The following STAG1 variants were observed in gnomAD, a reference collection of about 807,000 sequenced individuals.
STAG1 encodes the protein cohesin subunit SA-1.
A neutral mutation model predicts 170.9 loss-of-function variants in STAG1; 26 were observed. That is an observed-to-expected ratio of 0.15 (90% CI 0.11 to 0.21). The LOEUF is 0.21. Ranked by LOEUF, STAG1 falls within the 10% of genes least tolerant of loss-of-function variation. The probability of loss-of-function intolerance (pLI) is 1.00; values close to 1 mark genes in which losing one functional copy is unlikely to be tolerated. For synonymous variants in STAG1, 514 were observed against 497.7 expected (o/e 1.03, Z -0.44); for missense variants, 964 against 1,509.5 (o/e 0.64, Z 5.99).
intron 25 of STAG1, among the ~76,000 whole-genome samples, chr3:136,364,369 C>A (rs1217776385): frequency 3.3e-5 from 5 of 152,214 alleles, no homozygotes; most frequent in Non-Finnish European, 5.9e-5. Context: ...AGGCGTGAGC[C>A]ACTGTGCCTG....
chr3:136,557,446 ATAAC>A (rs575270191), intron 5 of STAG1, among the ~76,000 whole-genome samples: 3 of 152,222 alleles, frequency 2.0e-5, no homozygotes, highest in Non-Finnish European at 2.9e-5. Flanking sequence ...TAACCTATAC[ATAAC>A]TAACTAAACT....
intron 9 of STAG1, among the ~76,000 whole-genome samples, chr3:136,491,526 G>C (rs192059036): frequency 6.6e-6 from 1 of 152,074 alleles, no homozygotes; most frequent in African/African-American, 2.4e-5. Context: ...TACATCCCCT[G>C]GTTCTTATTA....
intron 13 of STAG1, among the ~76,000 whole-genome samples, chr3:136,454,934 A>G (rs1315706419): frequency 6.6e-6 from 1 of 152,170 alleles, no homozygotes; most frequent in Non-Finnish European, 1.5e-5. Context: ...GATACACCAT[A>G]GCTTATTTAA....
chr3:136,497,647 T>G (rs1377221178), intron 9 of STAG1, among the ~76,000 whole-genome samples: 1 of 150,916 alleles, frequency 6.6e-6, no homozygotes, highest in Non-Finnish European at 1.5e-5. Flanking sequence ...GAGACCACCC[T>G]GGCTAACACG....
At chr3:136,478,860 T>C (rs1250890611) in intron 9 of STAG1, among the ~76,000 whole-genome samples, 1 of 152,130 alleles carries the variant, frequency 6.6e-6, no homozygotes, top group Non-Finnish European at 1.5e-5. Flanking sequence ...TGAGTTCAAA[T>C]CCTGGTTCTG....
intron 4 of STAG1, among the ~76,000 whole-genome samples, chr3:136,588,714 G>A (rs565602856): frequency 1.1e-4 from 17 of 151,746 alleles, no homozygotes; most frequent in Non-Finnish European, 1.8e-4. Flanking sequence ...CACAACCTCC[G>A]CCTCCCGGGT....
At chr3:136,657,189 CTTTTT>C (rs67826395) in intron 1 of STAG1, among the ~76,000 whole-genome samples, 96 of 92,256 alleles carry the variant, frequency 1.0e-3, no homozygotes, top group Non-Finnish European at 1.2e-3. Context: ...TTCTTTCTTT[CTTTTT>C]TTTTTTTTTT....
chr3:136,674,964 GAAACT>G (rs1942089878), intron 1 of STAG1, among the ~76,000 whole-genome samples: 1 of 152,024 alleles, frequency 6.6e-6, no homozygotes, highest in African/African-American at 2.4e-5. Context: ...GGGGGAGCCG[GAAACT>G]AAACTAAAAA....
chr3:136,366,801 T>G, intron 25 of STAG1, 142 bp downstream of exon 25: 1 of 586,446 alleles, frequency 1.7e-6, no homozygotes, highest in Middle Eastern at 4.8e-4. Context: ...GATAAAAAGC[T>G]TATATAAGAG....
intron 22 of STAG1, among the ~76,000 whole-genome samples, chr3:136,385,966 C>T (rs534580530): frequency 3.9e-5 from 6 of 152,266 alleles, no homozygotes; most frequent in Admixed American, 6.5e-5. Flanking sequence ...CCTCTCAAAG[C>T]GCTGGGCTTA....
At chr3:136,600,895 GT>G (rs1255504129) in intron 4 of STAG1, among the ~76,000 whole-genome samples, 60 of 146,074 alleles carry the variant, frequency 4.1e-4, no homozygotes, top group African/African-American at 1.5e-3. Flanking sequence ...GTTTTGTTTT[GT>G]TTTGTTTTGT....
Position 136,467,722 on chromosome 3 carries a change from C to T in STAG1, c.1206-2734G>A, listed in dbSNP as rs563724025. Among the ~76,000 whole-genome samples the T allele has an allele frequency of 3.2e-3, 483 of 152,328 alleles. 1 individual carries two copies. The highest frequency in any genetic ancestry group is 5.7e-3 in the Non-Finnish European group (387 of 68,030). On this transcript the variant is annotated intron_variant, in intron 12 of 33. Transcript: ENST00000383202. ...AGAATATACATTCTTCTCAGCACCA[C>T]ATCACACTTATTCCAAAATTGACCA...
At chr3:136,641,307 T>C (rs758515246) in intron 1 of STAG1, among the ~76,000 whole-genome samples, 33 of 152,242 alleles carry the variant, frequency 2.2e-4, no homozygotes, top group South Asian at 4.1e-4. Flanking sequence ...AAATCCTTTT[T>C]TTTAAAACGT....
At chr3:136,697,033 A>G (rs1234075252) in intron 1 of STAG1, among the ~76,000 whole-genome samples, 1 of 152,180 alleles carries the variant, frequency 6.6e-6, no homozygotes, top group East Asian at 1.9e-4. Context: ...GGGTGGAGGA[A>G]CGTTTGTTGT....
chr3:136,450,076 G>C (rs1559808143), intron 14 of STAG1, among the ~76,000 whole-genome samples: 1 of 152,084 alleles, frequency 6.6e-6, no homozygotes, highest in East Asian at 1.9e-4. Flanking sequence ...AAACCTAAGG[G>C]AGGTAAGAGT....
chr3:136,495,701 G>C (rs1326018242), intron 9 of STAG1, among the ~76,000 whole-genome samples: 1 of 152,060 alleles, frequency 6.6e-6, no homozygotes, highest in African/African-American at 2.4e-5. Context: ...GGGCACGGTG[G>C]CTCATACCTA....
chr3:136,714,385 T>C (rs1281167411), intron 1 of STAG1, among the ~76,000 whole-genome samples: 3 of 152,088 alleles, frequency 2.0e-5, no homozygotes, highest in Non-Finnish European at 4.4e-5. Flanking sequence ...CGTTTAAACC[T>C]AGGAGTCTGA....
chr3:136,373,996 A>G (rs574721064), intron 23 of STAG1, among the ~76,000 whole-genome samples: 1 of 152,130 alleles, frequency 6.6e-6, no homozygotes, highest in Non-Finnish European at 1.5e-5. Flanking sequence ...GTAGGTCACT[A>G]AGGACTTGCT....
intron 23 of STAG1, among the ~76,000 whole-genome samples, chr3:136,376,553 G>A (rs113423414): frequency 2.6e-5 from 4 of 152,128 alleles, no homozygotes; most frequent in African/African-American, 7.2e-5. Flanking sequence ...GTCTGAGCCT[G>A]CAAAGGCCTC....
Sources: allele counts gnomAD v4.1 joint callset (sites outside exome capture counted in the v4.1 genomes callset), GRCh38; gene constraint gnomAD v4.1.1; transcripts MANE v1.5; gene names NCBI Gene and HGNC (gene_info 2026-07-23, HGNC 2026-07-21).